The following PCDHGB5 variants were observed in gnomAD, a reference collection of about 807,000 sequenced individuals.
PCDHGB5 encodes the protein protocadherin gamma subfamily B, 5.
A neutral mutation model predicts 62.9 loss-of-function variants in PCDHGB5; 48 were observed. The observed-to-expected ratio is 0.76, with a 90% confidence interval of 0.61 to 0.97. The LOEUF (loss-of-function observed/expected upper bound fraction) is 0.97, where lower values mean the gene tolerates loss of function less well. Ranked by LOEUF, PCDHGB5 falls within the 50% of genes least tolerant of loss-of-function variation. The pLI is 0.00. For missense variants in PCDHGB5, 1,118 were observed against 1,198.6 expected, an observed-to-expected ratio of 0.93 and a Z score of 0.99; for synonymous variants, 474 against 511.2, an observed-to-expected ratio of 0.93 and a Z score of 0.98.
intron 1 of PCDHGB5, chr5:141,478,188 C>T (rs770414950): frequency 4.3e-6 from 7 of 1,613,920 alleles, no homozygotes; most frequent in Non-Finnish European, 5.9e-6. Flanking sequence ...AAAAATCTCA[C>T]CTTTTATCTA....
Position 141,487,424 on chromosome 5 carries a change from C to T in PCDHGB5, c.2398-7383C>T, listed in dbSNP as rs759893122. 5 of 1,613,982 alleles carry T rather than the reference C, an allele frequency of 3.1e-6. No individual in the cohort carries two copies. The highest frequency in any genetic ancestry group is 1.7e-5 in the Admixed American group (1 of 60,000). On this transcript the variant is annotated intron_variant, in intron 1 of 3. Transcript: ENST00000617380. The surrounding 1 kb of genome is among the most constrained non-coding windows in gnomAD (Gnocchi z 5.0). ...GCTTCCCCCTTCCAATGGGATCCTC[C>T]GAATCCAGCTAGGGTCAGATGACCC...
intron 1 of PCDHGB5, chr5:141,415,531 C>G (rs777787905): frequency 1.2e-6 from 2 of 1,614,030 alleles, no homozygotes; most frequent in Non-Finnish European, 1.7e-6. Context: ...GCTCATCAGC[C>G]AGGAGAGCTG....
chr5:141,427,149 A>G (rs1303323489), intron 1 of PCDHGB5: 1 of 456,850 alleles, frequency 2.2e-6, no homozygotes, highest in Non-Finnish European at 4.4e-6. Context: ...TATTGGAAAT[A>G]TGTTTGTGCT....
At chr5:141,423,095 A>G (rs2096708889) in intron 1 of PCDHGB5, 3 of 1,613,978 alleles carry the variant, frequency 1.9e-6, no homozygotes, top group Non-Finnish European at 2.5e-6. Flanking sequence ...GTGGGGGAGC[A>G]CACGGGCGAG....
intron 1 of PCDHGB5, chr5:141,410,011 G>T (rs2095347816): frequency 6.2e-7 from 1 of 1,613,184 alleles, no homozygotes; most frequent in South Asian, 1.1e-5. Context: ...ACAACGCCTG[G>T]CTGTCCTACC....
intron 1 of PCDHGB5, chr5:141,424,584 C>T (rs919265310): frequency 3.9e-5 from 6 of 152,082 alleles, no homozygotes; most frequent in African/African-American, 1.4e-4. Flanking sequence ...TTCAAATGTG[C>T]TAAAGATGTC....
intron 1 of PCDHGB5, chr5:141,415,324 G>A (rs2095854761): frequency 1.9e-6 from 3 of 1,614,108 alleles, no homozygotes; most frequent in African/African-American, 2.7e-5. Flanking sequence ...CGTGCTGCTG[G>A]CGCACAGGCT....
At chr5:141,409,098 G>A in intron 1 of PCDHGB5, 2 of 1,613,994 alleles carry the variant, frequency 1.2e-6, no homozygotes, top group Non-Finnish European at 1.7e-6. Flanking sequence ...GAGAAAACAG[G>A]TATGATTAAG....
At chr5:141,502,818 C>T (rs1209481886) in intron 2 of PCDHGB5, among the ~76,000 whole-genome samples, 1 of 150,836 alleles carries the variant, frequency 6.6e-6, no homozygotes, top group Non-Finnish European at 1.5e-5. Context: ...ACTGTCTTTT[C>T]CTTGGGGAAG....
chr5:141,401,345 A>G (rs1233985725), intron 1 of PCDHGB5, among the ~76,000 whole-genome samples: 4 of 152,216 alleles, frequency 2.6e-5, no homozygotes, highest in Non-Finnish European at 4.4e-5. Context: ...TCCATCTCAA[A>G]AAAAAGGAAG....
At chr5:141,404,623 C>T in intron 1 of PCDHGB5, 3 of 1,614,154 alleles carry the variant, frequency 1.9e-6, no homozygotes, top group Non-Finnish European at 2.5e-6. Context: ...ACCAGAATGA[C>T]AATGCCCCAG....
rs760319541 is a variant in PCDHGB5, at chr5:141,477,772, C to T, written c.2398-17035C>T. 1.2e-6 allele frequency: 2 copies of T among 1,614,026 alleles called. No homozygotes were observed. Among genetic ancestry groups the T allele is most frequent in the South Asian group, 1.1e-5 (1 of 91,088 alleles). ...CCCCGGTCCTAGCCACCAACATCAGCGTGAACATATTTGTCACTGATCGCA... is the reference window on the plus strand; with the variant it reads ...CCCCGGTCCTAGCCACCAACATCAGTGTGAACATATTTGTCACTGATCGCA... On this transcript the variant is annotated intron_variant, in intron 1 of 3. Coordinates refer to ENST00000617380, the MANE Select transcript of PCDHGB5 (RefSeq NM_018925.3). This position sits in a 1 kb window ranked among gnomAD's most constrained non-coding sequence, Gnocchi z 4.9.
chr5:141,479,636 CA>C (rs1397283180), intron 1 of PCDHGB5: 1 of 152,080 alleles, frequency 6.6e-6, no homozygotes, highest in African/African-American at 2.4e-5. Flanking sequence ...TTAACAATAA[CA>C]ACAACAACAA....
chr5:141,415,961 C>T, intron 1 of PCDHGB5: 1 of 438,836 alleles, frequency 2.3e-6, no homozygotes, highest in Non-Finnish European at 3.6e-6. Context: ...TATTGAAACT[C>T]CAGCCCCTTA....
Position 141,400,014 on chromosome 5 carries a change from C to T in PCDHGB5, c.1887C>T (p.Gly629=), listed in dbSNP as rs2093941558. Reference sequence around the variant, plus strand: ...AGGTGCGCACAGCGCGTGCCTTGGGCGACAGGGACGCGGCCCGCCAGCGCC... The same window carrying T: ...AGGTGCGCACAGCGCGTGCCTTGGGTGACAGGGACGCGGCCCGCCAGCGCC... The part of the protein sequence containing the change: ...TGEVRTARAL[G]DRDAARQRLL... The change falls in exon 1 of 4, where the codon GGC becomes GGT. Residue 629 remains glycine, a synonymous_variant. Transcript: ENST00000617380. The T allele has an allele frequency of 6.2e-7, 1 of 1,612,662 alleles. No individual in the cohort carries two copies. The highest frequency in any genetic ancestry group is 8.5e-7 in the Non-Finnish European group (1 of 1,179,660).
chr5:141,490,686 C>T lies in PCDHGB5; in HGVS notation c.2398-4121C>T. The T allele has an allele frequency of 3.7e-6, 6 of 1,614,196 alleles. No homozygotes were observed. The highest frequency in any genetic ancestry group is 5.1e-6 in the Non-Finnish European group (6 of 1,180,014). ...GCACTGTGGCTGCCTCAGATCCAGA[C>T]ACTGGGGATAATGCCCGCCTCACCT... On this transcript the variant is annotated intron_variant, in intron 1 of 3. Coordinates refer to ENST00000617380, the MANE Select transcript of PCDHGB5 (RefSeq NM_018925.3). This position sits in a 1 kb window ranked among gnomAD's most constrained non-coding sequence, Gnocchi z 5.4.
chr5:141,418,626 C>A (rs1237600131), intron 1 of PCDHGB5: 2 of 1,613,902 alleles, frequency 1.2e-6, no homozygotes, highest in African/African-American at 2.7e-5. Context: ...GAAGACGTGC[C>A]TCCAGGCACC....
chr5:141,415,765 T>G (rs1386091482), intron 1 of PCDHGB5: 1 of 1,364,078 alleles, frequency 7.3e-7, no homozygotes, highest in South Asian at 1.7e-5. Flanking sequence ...TTTTTTTTTT[T>G]TTTTTTTACT....
rs532830928 is a variant in PCDHGB5 at position 141,473,487 on chromosome 5, A to G, written c.2398-21320A>G. Reference sequence around the variant, plus strand: ...TTGTGCCAAGTTCAATGGAAAAAATATAAGGTGTTCTGAGAGAGCATAACA... The same window carrying G: ...TTGTGCCAAGTTCAATGGAAAAAATGTAAGGTGTTCTGAGAGAGCATAACA... On this transcript the variant is annotated intron_variant, in intron 1 of 3. Coordinates refer to ENST00000617380, the MANE Select transcript of PCDHGB5 (RefSeq NM_018925.3). 2.0e-3 allele frequency among the ~76,000 whole-genome samples: 310 copies of G among 152,242 alleles called. 5 individuals carry two copies. The South Asian group carries it at 0.052, about 25-fold the overall frequency.
Sources: gnomAD v4.1 joint callset for allele counts (sites outside exome capture counted in the v4.1 genomes callset) on GRCh38, gnomAD v4.1.1 for gene constraint, Gnocchi (gnomAD v3.1) non-coding constraint, MANE v1.5 for transcripts, NCBI Gene and HGNC (gene_info 2026-07-23, HGNC 2026-07-21) for gene names.